The following ARID5B variants were observed in gnomAD, a reference collection of about 807,000 sequenced individuals.
The protein encoded by ARID5B is AT-rich interaction domain 5B, also known as AT-rich interactive domain-containing protein 5B.
A neutral mutation model predicts 97.2 loss-of-function variants in ARID5B; 13 were observed. That is an observed-to-expected ratio of 0.13 (90% CI 0.09 to 0.21). The LOEUF is 0.21. Ranked by LOEUF, ARID5B falls within the 10% of genes least tolerant of loss-of-function variation. The probability of loss-of-function intolerance (pLI) is 1.00; values close to 1 mark genes in which losing one functional copy is unlikely to be tolerated. For missense variants in ARID5B, 1,210 were observed against 1,465.3 expected (o/e 0.83, Z 2.84); for synonymous variants, 556 against 570.3 (o/e 0.97, Z 0.36).
intron 2 of ARID5B, among the ~76,000 whole-genome samples, chr10:61,922,117 G>C (rs1438727547): frequency 6.6e-6 from 1 of 152,174 alleles, no homozygotes; most frequent in Non-Finnish European, 1.5e-5. Context: ...CTAATCTTTT[G>C]AAGATTTGTT....
intron 2 of ARID5B, among the ~76,000 whole-genome samples, chr10:61,920,547 G>T (rs979756811): frequency 6.6e-6 from 1 of 151,980 alleles, no homozygotes; most frequent in Non-Finnish European, 1.5e-5. Flanking sequence ...TGTTGGCCAG[G>T]CTGGTCTCGA....
chr10:62,007,890 C>T (rs1180527805), intron 4 of ARID5B, among the ~76,000 whole-genome samples: 2 of 152,158 alleles, frequency 1.3e-5, no homozygotes, highest in Non-Finnish European at 2.9e-5. Context: ...ATATCTCCTC[C>T]CCAGGGAAGT....
chr10:61,961,993 C>T (rs952571667), intron 3 of ARID5B, among the ~76,000 whole-genome samples: 7 of 152,200 alleles, frequency 4.6e-5, no homozygotes, highest in Non-Finnish European at 1.0e-4. Context: ...AGGTGATCCG[C>T]CAGCCTAGGC....
intron 4 of ARID5B, among the ~76,000 whole-genome samples, chr10:62,003,659 C>G (rs551507375): frequency 2.6e-5 from 4 of 152,174 alleles, no homozygotes; most frequent in African/African-American, 4.8e-5. Context: ...AGTGACCAAG[C>G]CTGGCAAGAA....
intron 4 of ARID5B, among the ~76,000 whole-genome samples, chr10:62,018,789 G>A (rs1303607709): frequency 3.3e-5 from 5 of 152,050 alleles, no homozygotes; most frequent in Non-Finnish European, 7.4e-5. Context: ...ACTTCTTAAT[G>A]TGTTGCTATA....
intron 2 of ARID5B, among the ~76,000 whole-genome samples, chr10:61,912,761 CT>C (rs35688060): frequency 4.1e-4 from 61 of 150,380 alleles, no homozygotes; most frequent in African/African-American, 1.5e-3. Flanking sequence ...TATATACATA[CT>C]TTTTTTTTAA....
chr10:62,051,276 C>G (rs770272482), intron 5 of ARID5B, among the ~76,000 whole-genome samples: 1 of 152,140 alleles, frequency 6.6e-6, no homozygotes, highest in South Asian at 2.1e-4. Flanking sequence ...TGATTAAGCA[C>G]CCACGTCATT....
intron 2 of ARID5B, among the ~76,000 whole-genome samples, chr10:61,913,692 T>G (rs1197946797): frequency 6.6e-6 from 1 of 152,182 alleles, no homozygotes; most frequent in African/African-American, 2.4e-5. Context: ...GGACATCACT[T>G]TTATAAAACA....
intron 4 of ARID5B, among the ~76,000 whole-genome samples, chr10:62,010,784 A>G (rs1416518737): frequency 6.6e-6 from 1 of 152,222 alleles, no homozygotes; most frequent in Non-Finnish European, 1.5e-5. Flanking sequence ...AAGTCAGGAC[A>G]AATGGTAGCC....
intron 4 of ARID5B, among the ~76,000 whole-genome samples, chr10:62,003,281 G>A (rs899526628): frequency 3.3e-5 from 5 of 152,258 alleles, no homozygotes; most frequent in African/African-American, 1.2e-4. Context: ...GAAAGTCAAT[G>A]ATTAAGTATT....
chr10:62,014,087 C>A (rs1024956768), intron 4 of ARID5B, among the ~76,000 whole-genome samples: 1 of 152,074 alleles, frequency 6.6e-6, no homozygotes, highest in Non-Finnish European at 1.5e-5. Flanking sequence ...ATCTCTTCGA[C>A]ATATTGATTT....
At chr10:61,949,108 T>C (rs908667947) in intron 3 of ARID5B, among the ~76,000 whole-genome samples, 2 of 152,232 alleles carry the variant, frequency 1.3e-5, no homozygotes, top group African/African-American at 4.8e-5. Flanking sequence ...GGATAGGGCT[T>C]GCCCAAACTG....
intron 4 of ARID5B, among the ~76,000 whole-genome samples, chr10:62,013,376 T>C (rs1839241744): frequency 1.3e-5 from 2 of 152,188 alleles, no homozygotes; most frequent in African/African-American, 4.8e-5. Context: ...GAAATATGTA[T>C]ACATTGTGGA....
intron 4 of ARID5B, 61 bp from the exon 5 acceptor site, chr10:62,050,827 C>T: frequency 7.1e-7 from 1 of 1,409,936 alleles, no homozygotes; most frequent in Non-Finnish European, 1.0e-6. Context: ...GATTCTGGGT[C>T]TTTAATAAAG....
intron 4 of ARID5B, among the ~76,000 whole-genome samples, chr10:62,022,402 G>A (rs1170794794): frequency 1.3e-5 from 2 of 152,224 alleles, no homozygotes; most frequent in African/African-American, 4.8e-5. Flanking sequence ...CCACTGACCT[G>A]TGCACTGGGA....
intron 2 of ARID5B, among the ~76,000 whole-genome samples, chr10:61,933,473 G>A (rs1844247669): frequency 6.6e-6 from 1 of 152,300 alleles, no homozygotes; most frequent in Non-Finnish European, 1.5e-5. Flanking sequence ...TCTATCAGAG[G>A]AATCACTGTG....
chr10:61,915,754 TTTTG>T (rs563119214), intron 2 of ARID5B, among the ~76,000 whole-genome samples: 23 of 152,278 alleles, frequency 1.5e-4, no homozygotes, highest in African/African-American at 5.5e-4. Context: ...TTTGTTTGTT[TTTTG>T]TTTGTTTGTT....
chr10:62,010,080 C>T (rs7894504), intron 4 of ARID5B, among the ~76,000 whole-genome samples: 89,805 of 152,076 alleles, frequency 0.59, 27,537 homozygotes, highest in African/African-American at 0.75. Flanking sequence ...AGTCCTCTCA[C>T]AGACCCCCAT....
intron 2 of ARID5B, among the ~76,000 whole-genome samples, chr10:61,906,396 C>T (rs983122425): frequency 2.6e-5 from 4 of 152,142 alleles, no homozygotes; most frequent in African/African-American, 7.2e-5. Context: ...GCAAAGTAGG[C>T]GGGTAATTGG....
Sources: allele counts gnomAD v4.1 joint callset (sites outside exome capture counted in the v4.1 genomes callset), GRCh38; gene constraint gnomAD v4.1.1; transcripts MANE v1.5; gene names NCBI Gene and HGNC (gene_info 2026-07-23, HGNC 2026-07-21).